SUGCT: variants seen among roughly 807,000 people sequenced by gnomAD.
SUGCT encodes succinyl-CoA:glutarate CoA-transferase.
SUGCT carries 41 observed loss-of-function variants against 55.0 expected under a neutral mutation model. The observed-to-expected ratio is 0.74, with a 90% confidence interval of 0.58 to 0.97. SUGCT has a LOEUF of 0.97. Ranked by LOEUF, SUGCT falls within the 50% of genes least tolerant of loss-of-function variation. The pLI, the probability that SUGCT is intolerant of heterozygous loss-of-function variation, is 0.00. For synonymous variants in SUGCT, 187 were observed against 200.4 expected (o/e 0.93, Z 0.56); for missense variants, 568 against 547.8 (o/e 1.04, Z -0.37).
At chr7:40,585,200 G>A (rs1028965109) in intron 12 of SUGCT, among the ~76,000 whole-genome samples, 2 of 152,082 alleles carry the variant, frequency 1.3e-5, no homozygotes, top group African/African-American at 4.8e-5. Flanking sequence ...ATCCTTGAAC[G>A]TTTGAGGATT....
intron 13 of SUGCT, among the ~76,000 whole-genome samples, chr7:40,814,340 A>C (rs776780952): frequency 2.6e-5 from 4 of 152,036 alleles, no homozygotes; most frequent in Admixed American, 2.0e-4. Context: ...AATGCCAATC[A>C]TTTGTAAGTT....
intron 12 of SUGCT, among the ~76,000 whole-genome samples, chr7:40,596,117 A>G (rs1797997010): frequency 6.6e-6 from 1 of 152,166 alleles, no homozygotes; most frequent in African/African-American, 2.4e-5. Context: ...CTCATCTGGG[A>G]GGACTTATGA....
chr7:40,171,226 G>A (rs1168787496), intron 1 of SUGCT, among the ~76,000 whole-genome samples: 2 of 152,108 alleles, frequency 1.3e-5, no homozygotes, highest in African/African-American at 4.8e-5. Context: ...TATCCTATGT[G>A]CCTTTTTCCT....
chr7:40,807,630 G>A (rs1032609929), intron 13 of SUGCT, among the ~76,000 whole-genome samples: 22 of 152,200 alleles, frequency 1.4e-4, no homozygotes, highest in African/African-American at 4.8e-4. Flanking sequence ...GACAGTCTGA[G>A]TTATGATGGA....
the SUGCT span, among the ~76,000 whole-genome samples, chr7:40,878,600 A>T: frequency 2.0e-5 from 3 of 152,180 alleles, no homozygotes; most frequent in Non-Finnish European, 4.4e-5. Context: ...AAGGAAAATG[A>T]AGCCTGTTAT....
chr7:40,340,099 G>T (rs904530761), intron 9 of SUGCT, among the ~76,000 whole-genome samples: 1 of 152,128 alleles, frequency 6.6e-6, no homozygotes, highest in Admixed American at 6.6e-5. Context: ...ACTCAATATG[G>T]TAAGGATAGT....
intron 1 of SUGCT, among the ~76,000 whole-genome samples, chr7:40,171,347 C>G (rs752856889): frequency 6.6e-6 from 1 of 152,164 alleles, no homozygotes; most frequent in South Asian, 2.1e-4. Context: ...TTTCCTAACT[C>G]GCTTTTACAA....
At chr7:40,755,135 A>G (rs570976448) in intron 13 of SUGCT, among the ~76,000 whole-genome samples, 1 of 152,296 alleles carries the variant, frequency 6.6e-6, no homozygotes, top group Admixed American at 6.5e-5. Context: ...GCTAATAATC[A>G]CATTAAATAC....
intron 7 of SUGCT, among the ~76,000 whole-genome samples, chr7:40,267,992 T>G (rs1174854481): frequency 6.6e-6 from 1 of 152,156 alleles, no homozygotes; most frequent in African/African-American, 2.4e-5. Context: ...TTCTAGAATT[T>G]TTACTAAATA....
At chr7:40,493,454 GAA>G (rs1791803573) in intron 11 of SUGCT, among the ~76,000 whole-genome samples, 3 of 152,122 alleles carry the variant, frequency 2.0e-5, no homozygotes, top group Admixed American at 2.0e-4. Context: ...TTTATAAAGA[GAA>G]AAATGTTTCA....
chr7:40,883,741 C>T, the SUGCT span, among the ~76,000 whole-genome samples: 16 of 152,226 alleles, frequency 1.1e-4, no homozygotes, highest in South Asian at 6.2e-4. Flanking sequence ...AATTTTGTAA[C>T]GTAAACATGC....
At chr7:40,798,854 T>C (rs769404394) in intron 13 of SUGCT, among the ~76,000 whole-genome samples, 2 of 152,202 alleles carry the variant, frequency 1.3e-5, no homozygotes, top group Non-Finnish European at 2.9e-5. Flanking sequence ...TTCTTTCTTT[T>C]TTATATTTTT....
intron 13 of SUGCT, among the ~76,000 whole-genome samples, chr7:40,852,064 T>G (rs1793878967): frequency 6.6e-6 from 1 of 152,216 alleles, no homozygotes; most frequent in Non-Finnish European, 1.5e-5. Flanking sequence ...CAGACTTGCA[T>G]AGCTAAAGAC....
chr7:40,144,994 A>G (rs1045205093), intron 1 of SUGCT, among the ~76,000 whole-genome samples: 1 of 152,172 alleles, frequency 6.6e-6, no homozygotes, highest in Non-Finnish European at 1.5e-5. Flanking sequence ...TTAACCTTGT[A>G]TAATTTTTGT....
At chr7:41,007,524 C>T in the SUGCT span, among the ~76,000 whole-genome samples, 8 of 152,236 alleles carry the variant, frequency 5.3e-5, no homozygotes, top group East Asian at 7.7e-4. Context: ...CCCAGGGAAC[C>T]GGATGCAATG....
intron 13 of SUGCT, chr7:40,775,827 G>A (rs1490845544): frequency 6.6e-6 from 1 of 152,208 alleles, no homozygotes; most frequent in African/African-American, 2.4e-5. Context: ...TCAGCCTAGG[G>A]TGTGAGAAGG....
intron 12 of SUGCT, among the ~76,000 whole-genome samples, chr7:40,601,287 T>G (rs962702382): frequency 1.3e-5 from 2 of 152,202 alleles, no homozygotes; most frequent in African/African-American, 4.8e-5. Flanking sequence ...ACCTTTTGTC[T>G]TGTATTGACC....
At chr7:40,366,589 C>G (rs1233763350) in intron 9 of SUGCT, among the ~76,000 whole-genome samples, 2 of 152,112 alleles carry the variant, frequency 1.3e-5, no homozygotes, top group Non-Finnish European at 2.9e-5. Context: ...ACAATCCCAT[C>G]AAAAAGTGGG....
chr7:40,238,916 G>A (rs1453418732), intron 7 of SUGCT, among the ~76,000 whole-genome samples: 1 of 150,984 alleles, frequency 6.6e-6, no homozygotes, highest in African/African-American at 2.4e-5. Context: ...TGCCTCCTAA[G>A]TTCAAAGGAT....
Sources: allele counts gnomAD v4.1 joint callset (sites outside exome capture counted in the v4.1 genomes callset), GRCh38; gene constraint gnomAD v4.1.1; transcripts MANE v1.5; gene names NCBI Gene and HGNC (gene_info 2026-07-23, HGNC 2026-07-21).